TTLL7: variants seen among roughly 807,000 people sequenced by gnomAD.
TTLL7 encodes tubulin polyglutamylase TTLL7.
A neutral mutation model predicts 120.2 loss-of-function variants in TTLL7; 53 were observed. The ratio of observed to expected loss-of-function variants is 0.44; its 90% CI spans 0.35 to 0.55. The LOEUF (loss-of-function observed/expected upper bound fraction) is 0.55, where lower values mean the gene tolerates loss of function less well. Among genes scored for constraint, TTLL7 ranks in the 20% least tolerant of loss-of-function variants. The probability of loss-of-function intolerance (pLI) is 0.00; values close to 1 mark genes in which losing one functional copy is unlikely to be tolerated. For missense variants in TTLL7, 803 were observed against 1,054.7 expected (o/e 0.76, Z 3.31); for synonymous variants, 353 against 351.7 (o/e 1.00, Z -0.04).
chr1:83,972,163 T>A (rs530055619), intron 1 of TTLL7, among the ~76,000 whole-genome samples: 70 of 152,080 alleles, frequency 4.6e-4, no homozygotes, highest in Non-Finnish European at 9.7e-4. Context: ...GTTCACTCAG[T>A]GTTGTACATT....
chr1:83,951,243 C>T (rs1308193370), intron 3 of TTLL7, among the ~76,000 whole-genome samples: 2 of 151,410 alleles, frequency 1.3e-5, no homozygotes, highest in Admixed American at 6.6e-5. Context: ...CAGCTACTCG[C>T]GAAACTGAGG....
chr1:83,917,858 A>G (rs923501851), intron 13 of TTLL7, among the ~76,000 whole-genome samples, 168 bp from the exon 14 acceptor site: 4 of 152,166 alleles, frequency 2.6e-5, no homozygotes, highest in African/African-American at 9.7e-5. Context: ...ATTCTCTTGA[A>G]ACTTTCACTA....
intron 20 of TTLL7, among the ~76,000 whole-genome samples, chr1:83,871,449 G>A (rs1000321924): frequency 1.3e-5 from 2 of 152,150 alleles, no homozygotes; most frequent in Non-Finnish European, 2.9e-5. Flanking sequence ...TCCTAGTAAT[G>A]ATGAGGAGGA....
intron 10 of TTLL7, among the ~76,000 whole-genome samples, chr1:83,924,153 G>A (rs1557653575): frequency 2.6e-5 from 4 of 152,078 alleles, no homozygotes; most frequent in Admixed American, 1.3e-4. Context: ...CATTACCCTC[G>A]AGGAGCTGAC....
chr1:83,970,834 A>G (rs893547206), intron 1 of TTLL7, among the ~76,000 whole-genome samples: 1 of 152,054 alleles, frequency 6.6e-6, no homozygotes, highest in Non-Finnish European at 1.5e-5. Flanking sequence ...GTGTATGATA[A>G]TGACAGCTTC....
At chr1:83,881,218 AAAAAAAGCC>A (rs1235080028) in intron 20 of TTLL7, among the ~76,000 whole-genome samples, 6 of 151,750 alleles carry the variant, frequency 4.0e-5, no homozygotes, top group African/African-American at 1.5e-4. Context: ...AAGCAATGGC[AAAAAAAGCC>A]AAAATTGACA....
At chr1:83,996,692 G>C (rs1048803129) in intron 1 of TTLL7, among the ~76,000 whole-genome samples, 2 of 152,170 alleles carry the variant, frequency 1.3e-5, no homozygotes, top group Admixed American at 1.3e-4. Flanking sequence ...TAAGTTCCTT[G>C]AAGTGGGGAA....
chr1:83,954,819 A>C (rs1483933143), intron 1 of TTLL7, among the ~76,000 whole-genome samples: 1 of 152,076 alleles, frequency 6.6e-6, no homozygotes, highest in Non-Finnish European at 1.5e-5. Flanking sequence ...AAAAAGACCA[A>C]ATAGGTAAAA....
Position 83,958,219 on chromosome 1 carries a change from T to A in TTLL7, c.-176-5832A>T, listed in dbSNP as rs532848923. 5.3e-5 allele frequency among the ~76,000 whole-genome samples: 8 copies of A among 152,310 alleles called. No individual in the cohort carries two copies. In the South Asian group the frequency reaches 1.7e-3, roughly 32 times the overall value. On this transcript the variant is annotated intron_variant, in intron 1 of 20. Transcript: ENST00000260505. ...ATTATTATCCTCATTGATAATCGTT[T>A]AAAGAAAAGAGATATAATGAACAAT... is the stretch of plus-strand genomic sequence containing the variant.
chr1:83,911,153 A>T lies in TTLL7; in HGVS notation c.1786+12T>A. On this transcript the variant is annotated intron_variant, in intron 15 of 20. Coordinates refer to ENST00000260505, the MANE Select transcript of TTLL7 (RefSeq NM_024686.6). ...CTTTATATAACATCTAAATTAGAAG[A>T]AATTGACTTACTGGGTTGTTGAATT... is the stretch of plus-strand genomic sequence containing the variant. 5 of 1,592,024 alleles carry T rather than the reference A, an allele frequency of 3.1e-6. No individual in the cohort carries two copies. The highest frequency in any genetic ancestry group is 4.3e-6 in the Non-Finnish European group (5 of 1,162,802).
intron 3 of TTLL7, among the ~76,000 whole-genome samples, chr1:83,950,701 G>A (rs1340605432): frequency 6.6e-6 from 1 of 152,044 alleles, no homozygotes; most frequent in Non-Finnish European, 1.5e-5. Flanking sequence ...GGTAATTTTT[G>A]GCTTCCAACA....
intron 7 of TTLL7, among the ~76,000 whole-genome samples, chr1:83,939,548 G>C (rs1204363679): frequency 6.6e-6 from 1 of 152,150 alleles, no homozygotes; most frequent in Admixed American, 6.5e-5. Flanking sequence ...GCAAGAAATA[G>C]AAGCGAAAGC....
chr1:83,936,057 G>A (rs1009275217), intron 8 of TTLL7, among the ~76,000 whole-genome samples: 3 of 152,176 alleles, frequency 2.0e-5, no homozygotes, highest in Non-Finnish European at 4.4e-5. Flanking sequence ...CATGAAATGT[G>A]TCAGAGATTA....
At chr1:83,935,286 C>T (rs6665834) in intron 8 of TTLL7, among the ~76,000 whole-genome samples, 2,682 of 152,046 alleles carry the variant, frequency 0.018, 86 homozygotes, top group African/African-American at 0.061. Context: ...ACAGTACGGG[C>T]TGAGAGAGGG....
At chr1:83,967,472 G>A (rs955779031) in intron 1 of TTLL7, among the ~76,000 whole-genome samples, 9 of 152,072 alleles carry the variant, frequency 5.9e-5, no homozygotes, top group African/African-American at 2.2e-4. Context: ...GATTAGCTCA[G>A]GGGGAAAGGG....
chr1:83,889,141 C>T (rs1276131729), intron 19 of TTLL7, among the ~76,000 whole-genome samples: 1 of 152,012 alleles, frequency 6.6e-6, no homozygotes, highest in Non-Finnish European at 1.5e-5. Flanking sequence ...ACAATCATGG[C>T]AGAAGGGGAA....
intron 13 of TTLL7, among the ~76,000 whole-genome samples, 183 bp from the exon 14 acceptor site, chr1:83,917,873 C>T (rs990679149): frequency 2.0e-5 from 3 of 152,102 alleles, no homozygotes; most frequent in Non-Finnish European, 4.4e-5. Flanking sequence ...TCACTAAAAT[C>T]TGGCATTATA....
chr1:83,981,153 A>C (rs533821966), intron 1 of TTLL7: 1 of 152,278 alleles, frequency 6.6e-6, no homozygotes, highest in South Asian at 2.1e-4. Context: ...CAGACTTGAT[A>C]TATCAACAAC....
intron 20 of TTLL7, among the ~76,000 whole-genome samples, chr1:83,872,402 G>A (rs776555319): frequency 5.9e-5 from 9 of 152,128 alleles, no homozygotes; most frequent in Non-Finnish European, 1.0e-4. Context: ...TCAACAATTG[G>A]TGGGGTCATG....
Sources: allele counts gnomAD v4.1 joint callset (sites outside exome capture counted in the v4.1 genomes callset), GRCh38; gene constraint gnomAD v4.1.1; transcripts MANE v1.5; gene names NCBI Gene and HGNC (gene_info 2026-07-23, HGNC 2026-07-21).